The following NKIRAS1 variants were observed in gnomAD, a reference collection of about 807,000 sequenced individuals.
NKIRAS1 encodes NF-kappa-B inhibitor-interacting Ras-like protein 1.
Under a neutral mutation model 19.8 loss-of-function variants are expected in NKIRAS1, and 16 were observed. The ratio of observed to expected loss-of-function variants is 0.81; its 90% CI spans 0.55 to 1.23. The LOEUF is 1.23. Among genes scored for constraint, NKIRAS1 ranks in the 50% most tolerant of loss-of-function variants. NKIRAS1 has a pLI of 0.00. For missense variants in NKIRAS1, 184 were observed against 220.0 expected (o/e 0.84, Z 1.04); for synonymous variants, 88 against 79.0 (o/e 1.11, Z -0.61).
chr3:23,915,412 G>A (rs1045101508), intron 1 of NKIRAS1, among the ~76,000 whole-genome samples: 1 of 152,178 alleles, frequency 6.6e-6, no homozygotes, highest in Non-Finnish European at 1.5e-5. Context: ...GACCTAGTCT[G>A]ATGTACAAAC....
chr3:23,935,330 G>T (rs988115294), intron 1 of NKIRAS1, among the ~76,000 whole-genome samples: 1 of 150,878 alleles, frequency 6.6e-6, no homozygotes, highest in Non-Finnish European at 1.5e-5. Flanking sequence ...GCAGATGGAA[G>T]AAATTAGTTT....
intron 1 of NKIRAS1, among the ~76,000 whole-genome samples, chr3:23,934,871 T>C (rs935371221): frequency 8.6e-5 from 13 of 152,030 alleles, no homozygotes; most frequent in African/African-American, 2.9e-4. Context: ...GAAGACTTAT[T>C]ATCTCTGAAT....
At chr3:23,936,029 G>A (rs2125269036) in intron 1 of NKIRAS1, among the ~76,000 whole-genome samples, 1 of 130,264 alleles carries the variant, frequency 7.7e-6, no homozygotes, top group South Asian at 2.6e-4. Context: ...GCTGCAGTGA[G>A]CTATAATCAC....
upstream of NKIRAS1, chr3:23,919,663 G>A (rs1704961636): frequency 2.1e-5 from 30 of 1,409,588 alleles, no homozygotes; most frequent in South Asian, 4.4e-4. Flanking sequence ...ACAATAAGTG[G>A]TGGTGTATCT....
intron 3 of NKIRAS1, among the ~76,000 whole-genome samples, chr3:23,903,425 T>C (rs909022881): frequency 2.6e-5 from 4 of 152,092 alleles, no homozygotes; most frequent in Admixed American, 2.0e-4. Flanking sequence ...TAGGGGTCCA[T>C]TTTTAATTAT....
At chr3:23,921,681 T>C (rs755124866), upstream of NKIRAS1, 1 of 667,394 alleles carries the variant, frequency 1.5e-6, no homozygotes, top group East Asian at 2.7e-5. Context: ...TTTGAGCAAT[T>C]CTTCTGCCTC....
upstream of NKIRAS1, chr3:23,919,100 T>C (rs1347977325): frequency 2.5e-6 from 2 of 801,862 alleles, no homozygotes; most frequent in Non-Finnish European, 4.2e-6. Context: ...AAGACTCTTG[T>C]CTGGTGGTGA....
At chr3:23,896,424 GT>G (rs1312379763) in intron 4 of NKIRAS1, among the ~76,000 whole-genome samples, 2 of 151,938 alleles carry the variant, frequency 1.3e-5, no homozygotes, top group Admixed American at 1.3e-4. Context: ...AGACCAGCCT[GT>G]CCAACATGGT....
intron 3 of NKIRAS1, among the ~76,000 whole-genome samples, chr3:23,904,158 A>T (rs1441769548): frequency 2.7e-5 from 4 of 147,954 alleles, no homozygotes; most frequent in Non-Finnish European, 4.4e-5. Context: ...AAAGAAAAAG[A>T]AAGAAAAGAA....
intron 1 of NKIRAS1, chr3:23,946,056 G>C (rs1705687166): frequency 1.0e-6 from 1 of 974,780 alleles, no homozygotes; most frequent in Admixed American, 6.2e-5. Flanking sequence ...CTGGCTGGGA[G>C]CGCCGCAGCC....
rs192402296 is a variant in NKIRAS1, at chr3:23,937,411, G to A, written c.-140+8912C>T. ...GTCAGTTAATGAACTCATGCTAGGA[G>A]AGATTGCACTGCTGGGAGGAATTCT... On this transcript the variant is annotated intron_variant, in intron 1 of 4. Coordinates refer to the NKIRAS1 transcript ENST00000421515. Among the ~76,000 whole-genome samples the A allele has an allele frequency of 7.9e-3, 1,200 of 152,254 alleles. 14 individuals are homozygous for A. Among genetic ancestry groups the A allele is most frequent in the African/African-American group, 0.027 (1,129 of 41,558 alleles).
upstream of NKIRAS1, chr3:23,917,005 C>T (rs1477635849): frequency 6.6e-6 from 1 of 152,594 alleles, no homozygotes; most frequent in Non-Finnish European, 1.5e-5. Flanking sequence ...GCCGCGGCGC[C>T]CCACTCGGCA....
intron 3 of NKIRAS1, among the ~76,000 whole-genome samples, chr3:23,905,055 T>G (rs1257237910): frequency 6.6e-6 from 1 of 152,150 alleles, no homozygotes; most frequent in African/African-American, 2.4e-5. Flanking sequence ...TCTCAAACTC[T>G]GGGGCTCAAG....
intron 1 of NKIRAS1, among the ~76,000 whole-genome samples, chr3:23,943,574 G>A (rs768286407): frequency 3.3e-5 from 5 of 152,248 alleles, no homozygotes; most frequent in African/African-American, 4.8e-5. Context: ...GAATCATACA[G>A]TACACAGCCT....
rs528596738 is a variant in NKIRAS1 at position 23,909,860 on chromosome 3, T to G, written c.94+951A>C. Among the ~76,000 whole-genome samples the G allele has an allele frequency of 2.0e-3, 242 of 118,962 alleles. 4 individuals carry two copies. Among genetic ancestry groups the G allele is most frequent in the African/African-American group, 3.3e-3 (120 of 36,336 alleles). 78.0% of individuals were successfully genotyped at this position (118,962 alleles called of 152,430 possible). ...GCTCTGCAAAGTTGTTTTTGTTTTT[T>G]TTTGTTTTTTTTTTTTTGAGATGGA... is the stretch of plus-strand genomic sequence containing the variant. On this transcript the variant is annotated intron_variant, in intron 3 of 4. Transcript: ENST00000425478.
rs896331377 is a variant in NKIRAS1 at position 23,926,513 on chromosome 3, CTTT to C, written c.-139-15066_-139-15064del. Among the ~76,000 whole-genome samples the C allele has an allele frequency of 2.0e-5, 3 of 150,508 alleles. No homozygotes were observed. The highest frequency in any genetic ancestry group is 7.3e-5 in the African/African-American group (3 of 40,972). Reference sequence around the variant, plus strand: ...CTTTCCTCTTCCTCTTCTTCCTCTTCTTTTTTTTTGTGTCATTCTCTAGTAGAT... The same window carrying C: ...CTTTCCTCTTCCTCTTCTTCCTCTTCTTTTTTGTGTCATTCTCTAGTAGAT... On this transcript the variant is annotated intron_variant, in intron 1 of 4. Coordinates refer to the NKIRAS1 transcript ENST00000421515. The surrounding 1 kb of genome is among the most constrained non-coding windows in gnomAD (Gnocchi z 4.3).
At chr3:23,945,664 G>GGGC in intron 1 of NKIRAS1, 1 of 1,077,980 alleles carries the variant, frequency 9.3e-7, no homozygotes, top group East Asian at 4.0e-5. Context: ...GCACTTTGGG[G>GGGC]GGCGGCGGCA....
chr3:23,901,538 CTTGT>C (rs1033011993), intron 3 of NKIRAS1, among the ~76,000 whole-genome samples: 27 of 152,158 alleles, frequency 1.8e-4, no homozygotes, highest in Non-Finnish European at 1.5e-4. Context: ...AAATCCCCTT[CTTGT>C]TTATGATCTT....
At chr3:23,945,547 C>T in intron 1 of NKIRAS1, 20 of 1,145,168 alleles carry the variant, frequency 1.7e-5, no homozygotes, top group Non-Finnish European at 2.1e-5. Flanking sequence ...CTGCGGGAAG[C>T]GGGCGGCCCC....
Sources: gnomAD v4.1 joint callset for allele counts (sites outside exome capture counted in the v4.1 genomes callset) on GRCh38, gnomAD v4.1.1 for gene constraint, Gnocchi (gnomAD v3.1) non-coding constraint, MANE v1.5 for transcripts, NCBI Gene and HGNC (gene_info 2026-07-23, HGNC 2026-07-21) for gene names.